The following C17orf107 variants were observed in gnomAD, a reference collection of about 807,000 sequenced individuals.
C17orf107 encodes chromosome 17 open reading frame 107, also known as uncharacterized protein C17orf107.
Under a neutral mutation model 8.9 loss-of-function variants are expected in C17orf107, and 9 were observed. The observed-to-expected ratio is 1.02, with a 90% confidence interval of 0.61 to 1.77. The LOEUF is 1.77. Among genes scored for constraint, C17orf107 ranks in the 40% most tolerant of loss-of-function variants. C17orf107 has a pLI of 0.00. For synonymous variants in C17orf107, 139 were observed against 120.3 expected, an observed-to-expected ratio of 1.16 and a Z score of -1.02; for missense variants, 281 against 249.0, an observed-to-expected ratio of 1.13 and a Z score of -0.86.
At position 4,901,576 on chromosome 17, in the gene C17orf107, T is replaced by A. The variant is rs1969986085; in HGVS notation, c.*1043T>A. ...ATCTTGTTGATGGTCTTGCCGTCGT[T>A]GTCTACGGCAAAAGTGAACTCCACC... On this transcript the variant is annotated 3_prime_UTR_variant, in exon 3 of 3. Coordinates refer to ENST00000381365, the MANE Select transcript of C17orf107 (RefSeq NM_001145536.2). 6.2e-7 allele frequency: 1 copy of A among 1,614,012 alleles called. No individual in the cohort carries two copies. Among genetic ancestry groups the A allele is most frequent in the African/African-American group, 1.3e-5 (1 of 74,916 alleles).
downstream of C17orf107, among the ~76,000 whole-genome samples, chr17:4,904,372 T>C (rs1451798322): frequency 6.6e-6 from 1 of 152,066 alleles, no homozygotes; most frequent in African/African-American, 2.4e-5. Context: ...CTCAGTGTTT[T>C]TTAAAGCCTT....
Position 4,900,578 on chromosome 17 carries a change from C to T in C17orf107, c.*45C>T. 1 of 1,548,066 alleles carries T rather than the reference C, an allele frequency of 6.5e-7. No homozygotes were observed. The highest frequency in any genetic ancestry group is 8.7e-7 in the Non-Finnish European group (1 of 1,145,438). On this transcript the variant is annotated 3_prime_UTR_variant, in exon 3 of 3. Transcript: ENST00000381365. ...TAGGGAGGCACTGAGCCGGACTGTC[C>T]CCCAAGAGAGCTACTCGGGAGACCT...
downstream of C17orf107, among the ~76,000 whole-genome samples, chr17:4,905,430 T>C (rs1416156282): frequency 1.3e-5 from 2 of 152,166 alleles, no homozygotes; most frequent in Admixed American, 6.5e-5. Context: ...CCAGGCATCA[T>C]GGTGCATGCC....
chr17:4,902,310 CG>C lies in C17orf107; in HGVS notation c.*1779del, dbSNP rs1555547003. 1 of 1,614,014 alleles carries C rather than the reference CG, an allele frequency of 6.2e-7. No individual in the cohort carries two copies. The highest frequency in any genetic ancestry group is 1.3e-5 in the African/African-American group (1 of 74,914). On this transcript the variant is annotated 3_prime_UTR_variant, in exon 3 of 3. Coordinates refer to ENST00000381365, the MANE Select transcript of C17orf107 (RefSeq NM_001145536.2). This position sits in a 1 kb window ranked among gnomAD's most constrained non-coding sequence, Gnocchi z 4.0. Reference sequence around the variant, plus strand: ...AAAGTCGTCCTTGCTGTAGTTGAGTCGGTAATCCTGCCAATCCTAAGGGGTG... The same window carrying C: ...AAAGTCGTCCTTGCTGTAGTTGAGTCGTAATCCTGCCAATCCTAAGGGGTG...
At chr17:4,904,912 C>G (rs1297791350), downstream of C17orf107, among the ~76,000 whole-genome samples, 2 of 152,206 alleles carry the variant, frequency 1.3e-5, no homozygotes, top group African/African-American at 4.8e-5. Flanking sequence ...CCATTTCAGA[C>G]TCCCTTTCTG....
rs761183088 is a variant in C17orf107, at chr17:4,902,773, G to A, written c.*2240G>A. 1.2e-6 allele frequency: 2 copies of A among 1,613,892 alleles called. No individual in the cohort carries two copies. The highest frequency in any genetic ancestry group is 1.3e-5 in the African/African-American group (1 of 74,876). On this transcript the variant is annotated 3_prime_UTR_variant, in exon 3 of 3. Transcript: ENST00000381365. The surrounding 1 kb of genome is among the most constrained non-coding windows in gnomAD (Gnocchi z 4.0). ...TTCCCCACACCCCTGCCTGCGATGG[G>A]GTCAAGAAGGAAGGGTCATTGGCAA... is the stretch of plus-strand genomic sequence containing the variant.
downstream of C17orf107, among the ~76,000 whole-genome samples, chr17:4,903,438 G>A (rs1330332004): frequency 1.3e-5 from 2 of 152,102 alleles, no homozygotes; most frequent in African/African-American, 4.8e-5. Context: ...AGGTGACCCT[G>A]ACTGATGAAC....
At chr17:4,903,609 C>A (rs943785936), downstream of C17orf107, among the ~76,000 whole-genome samples, 6 of 152,152 alleles carry the variant, frequency 3.9e-5, no homozygotes, top group Admixed American at 3.9e-4. Flanking sequence ...GGGATTAGCC[C>A]TGCGGTACAG....
Position 4,902,782 on chromosome 17 carries a change from G to A in C17orf107, c.*2249G>A. 1.9e-6 allele frequency: 3 copies of A among 1,614,034 alleles called. No individual in the cohort carries two copies. The highest frequency in any genetic ancestry group is 2.5e-6 in the Non-Finnish European group (3 of 1,180,010). On this transcript the variant is annotated 3_prime_UTR_variant, in exon 3 of 3. Transcript: ENST00000381365. This position sits in a 1 kb window ranked among gnomAD's most constrained non-coding sequence, Gnocchi z 4.0. ...CCCCTGCCTGCGATGGGGTCAAGAA[G>A]GAAGGGTCATTGGCAATGAAGAGGC...
At position 4,902,400 on chromosome 17, in the gene C17orf107, A is replaced by T; in HGVS notation, c.*1867A>T. On this transcript the variant is annotated 3_prime_UTR_variant, in exon 3 of 3. Coordinates refer to ENST00000381365, the MANE Select transcript of C17orf107 (RefSeq NM_001145536.2). This position sits in a 1 kb window ranked among gnomAD's most constrained non-coding sequence, Gnocchi z 4.0. ...CGCTGCCTGGGAGGGGTTTGGGGGAAAAGGGGTGCCCTGGACAAGACCTCA... is the reference window on the plus strand; with the variant it reads ...CGCTGCCTGGGAGGGGTTTGGGGGATAAGGGGTGCCCTGGACAAGACCTCA... 1 of 1,613,944 alleles carries T rather than the reference A, an allele frequency of 6.2e-7. No individual in the cohort carries two copies. Among genetic ancestry groups the T allele is most frequent in the South Asian group, 1.1e-5 (1 of 91,074 alleles).
chr17:4,899,904 CCTGCTACTCTACTGCT>C lies in C17orf107; in HGVS notation c.67-26_67-11del, dbSNP rs746102360. 27 of 1,549,276 alleles carry C rather than the reference CCTGCTACTCTACTGCT, an allele frequency of 1.7e-5. No individual in the cohort carries two copies. The highest frequency in any genetic ancestry group is 3.9e-5 in the Admixed American group (2 of 50,962). On this transcript the variant is annotated splice_polypyrimidine_tract_variant and intron_variant, in intron 1 of 2. Transcript: ENST00000381365. ...TCCTGTTCGCCCCTGTGACCCCTGC[CCTGCTACTCTACTGCT>C]CTGCTCCTTCTCCAGGTGGCCCTCC...
chr17:4,900,200 C>G, intron 2 of C17orf107, 37 bp from the exon 3 acceptor site: 1 of 1,543,476 alleles, frequency 6.5e-7, no homozygotes, highest in South Asian at 1.2e-5. Context: ...GAACAAGGAC[C>G]TCTGCCTCCC....
At position 4,901,534 on chromosome 17, in the gene C17orf107, C is replaced by G; in HGVS notation, c.*1001C>G. 1 of 1,614,108 alleles carries G rather than the reference C, an allele frequency of 6.2e-7. No homozygotes were observed. The highest frequency in any genetic ancestry group is 1.1e-5 in the South Asian group (1 of 91,086). ...CAGGCAGGGGCTTCACCAGTATAGGCCTCTGTGTCGATGTCGATCTTGTTG... is the reference window on the plus strand; with the variant it reads ...CAGGCAGGGGCTTCACCAGTATAGGGCTCTGTGTCGATGTCGATCTTGTTG... On this transcript the variant is annotated 3_prime_UTR_variant, in exon 3 of 3. Transcript: ENST00000381365.
At position 4,900,757 on chromosome 17, in the gene C17orf107, A is replaced by AC; in HGVS notation, c.*225dup. On this transcript the variant is annotated 3_prime_UTR_variant, in exon 3 of 3. Coordinates refer to ENST00000381365, the MANE Select transcript of C17orf107 (RefSeq NM_001145536.2). ...GGTTTTGGCCACGCCCCCACCCTTC[A>AC]CACTGGCCACACCCCCGCGGGGGCT... 6.3e-7 allele frequency: 1 copy of AC among 1,590,570 alleles called. No individual in the cohort carries two copies. The highest frequency in any genetic ancestry group is 8.6e-7 in the Non-Finnish European group (1 of 1,165,030).
At position 4,901,845 on chromosome 17, in the gene C17orf107, C is replaced by T; in HGVS notation, c.*1312C>T. 2.5e-6 allele frequency: 4 copies of T among 1,583,114 alleles called. No individual in the cohort carries two copies. The highest frequency in any genetic ancestry group is 3.5e-6 in the Non-Finnish European group (4 of 1,157,408). On this transcript the variant is annotated 3_prime_UTR_variant, in exon 3 of 3. Coordinates refer to ENST00000381365, the MANE Select transcript of C17orf107 (RefSeq NM_001145536.2). ...CTCCGCCTCCAGCGCGAAGCCCCGC[C>T]CCGAGGGCGGTGCTTCCCGGTTGGC...
Position 4,899,708 on chromosome 17 carries a change from CACG to C in C17orf107, c.-49_-47del, listed in dbSNP as rs1393263553. 25 of 1,509,820 alleles carry C rather than the reference CACG, an allele frequency of 1.7e-5. No individual in the cohort carries two copies. Among genetic ancestry groups the C allele is most frequent in the African/African-American group, 9.7e-5 (7 of 72,230 alleles). The allele number at this position is 1,509,820 out of a possible 1,614,324, so 93.5% of individuals were successfully genotyped here. ...TTACGCCCTCCAGCTGCGCCCCCTACACGACGACAGACGCGTCCCCCAGCCCTT... is the reference window on the plus strand; with the variant it reads ...TTACGCCCTCCAGCTGCGCCCCCTACACGACAGACGCGTCCCCCAGCCCTT... On this transcript the variant is annotated 5_prime_UTR_variant, in exon 1 of 3. Coordinates refer to ENST00000381365, the MANE Select transcript of C17orf107 (RefSeq NM_001145536.2).
rs1311970433 is a variant in C17orf107 at position 4,900,517 on chromosome 17, G to C, written c.557G>C (p.Gly186Ala). ...LGIPGEPVSS[G>A]HGVS ...ATCCCCGGAGAACCGGTGAGCTCAGGACACGGGGTGAGTTAGGGGCCAGAG... is the reference window on the plus strand; with the variant it reads ...ATCCCCGGAGAACCGGTGAGCTCAGCACACGGGGTGAGTTAGGGGCCAGAG... Residue 186 changes from glycine to alanine, a missense_variant, in exon 3 of 3, where the codon GGA becomes GCA. Transcript: ENST00000381365. The C allele has an allele frequency of 2.6e-6, 4 of 1,550,728 alleles. No homozygotes were observed. In the African/African-American group the frequency reaches 5.5e-5, roughly 21 times the overall value.
downstream of C17orf107, among the ~76,000 whole-genome samples, chr17:4,904,950 G>C (rs1218998710): frequency 2.0e-5 from 3 of 152,162 alleles, no homozygotes; most frequent in African/African-American, 7.2e-5. Flanking sequence ...TTACCTCTTT[G>C]CATGTGGCTG....
chr17:4,901,828 C>T lies in C17orf107; in HGVS notation c.*1295C>T, dbSNP rs542976241. ...CCAGTGCCTACGCCTGGCTCCGCCT[C>T]CAGCGCGAAGCCCCGCCCCGAGGGC... On this transcript the variant is annotated 3_prime_UTR_variant, in exon 3 of 3. Transcript: ENST00000381365. The T allele has an allele frequency of 1.2e-5, 19 of 1,532,054 alleles. No individual in the cohort carries two copies. The allele number at this position is 1,532,054 out of a possible 1,614,324, so 94.9% of individuals were successfully genotyped here.
Sources: gnomAD v4.1 joint callset for allele counts (sites outside exome capture counted in the v4.1 genomes callset) on GRCh38, gnomAD v4.1.1 for gene constraint, Gnocchi (gnomAD v3.1) non-coding constraint, MANE v1.5 for transcripts, NCBI Gene and HGNC (gene_info 2026-07-23, HGNC 2026-07-21) for gene names.